The following ST13 variants were observed in gnomAD, a reference collection of about 807,000 sequenced individuals.
ST13 encodes hsc70-interacting protein.
Under a neutral mutation model 56.7 loss-of-function variants are expected in ST13, and 23 were observed. The observed-to-expected ratio is 0.41, with a 90% CI of 0.29 to 0.57. ST13 has a LOEUF of 0.57. Ranked by LOEUF, ST13 falls within the 20% of genes least tolerant of loss-of-function variation. The pLI, the probability that ST13 is intolerant of heterozygous loss-of-function variation, is 0.36. For synonymous variants in ST13, 132 were observed against 142.4 expected, an observed-to-expected ratio of 0.93 and a Z score of 0.52; for missense variants, 369 against 459.9, an observed-to-expected ratio of 0.80 and a Z score of 1.81.
chr22:40,825,563 A>G lies in ST13; in HGVS notation c.*975T>C, dbSNP rs563212117. ...TTGTGGGTATTACCCTACAATTACC[A>G]TATGTATTACATATTAAATTAAACT... On this transcript the variant is annotated 3_prime_UTR_variant, in exon 12 of 12. Transcript: ENST00000216218. The G allele has an allele frequency of 6.6e-6, 1 of 152,286 alleles. No individual in the cohort carries two copies. Among genetic ancestry groups the G allele is most frequent in the Admixed American group, 6.5e-5 (1 of 15,294 alleles). The allele number at this position is 152,286 out of a possible 1,614,324, so 9.4% of individuals were successfully genotyped here.
chr22:40,833,564 C>CA (rs138336), intron 7 of ST13, among the ~76,000 whole-genome samples: 2,264 of 115,372 alleles, frequency 0.02, 35 homozygotes, highest in Non-Finnish European at 0.027. Flanking sequence ...GACTCCATCT[C>CA]AAAAAAAAAA....
In ST13 at chr22:40,841,092, C is replaced by T. The variant is rs369526520; in HGVS notation, c.316-400G>A. Among the ~76,000 whole-genome samples the T allele has an allele frequency of 3.3e-5, 5 of 151,006 alleles. No homozygotes were observed. The East Asian group carries it at 5.9e-4, about 18-fold the overall frequency. ...CACAAACAACTATTGAGCACCTATGCTATATAGATAGACCAAACACTGTAC... is the reference window on the plus strand; with the variant it reads ...CACAAACAACTATTGAGCACCTATGTTATATAGATAGACCAAACACTGTAC... On this transcript the variant is annotated intron_variant, in intron 4 of 11. Coordinates refer to ENST00000216218, the MANE Select transcript of ST13 (RefSeq NM_003932.5).
Position 40,840,632 on chromosome 22 carries a change from T to G in ST13, c.376A>C (p.Asn126His). ...DKKVAAIEAL[N>H]DGELQKAIDL... is the part of the protein sequence containing the mutation. ...TAGCAAAAAGATTACTCACCATCAT[T>G]TAGGGCTTCAATAGCAGCCACTTTT... Residue 126 changes from asparagine to histidine, a missense_variant, in exon 5 of 12, where the codon AAT (asparagine) becomes CAT (histidine). This residue lies in a region of ST13 where 169 missense variants were observed against 175.6 expected (regional missense o/e 0.96). Coordinates refer to ENST00000216218, the MANE Select transcript of ST13 (RefSeq NM_003932.5). 1.2e-6 allele frequency: 2 copies of G among 1,609,836 alleles called. No homozygotes were observed. Among genetic ancestry groups the G allele is most frequent in the Non-Finnish European group, 1.7e-6 (2 of 1,178,982 alleles).
chr22:40,835,262 C>T, intron 7 of ST13: 1 of 202,502 alleles, frequency 4.9e-6, no homozygotes, highest in Admixed American at 5.5e-5. Flanking sequence ...AAATCCTTTC[C>T]TTATATTTGG....
intron 4 of ST13, among the ~76,000 whole-genome samples, chr22:40,841,722 T>C (rs2057805411): frequency 6.6e-6 from 1 of 151,960 alleles, no homozygotes; most frequent in South Asian, 2.1e-4. Context: ...CCCTCAAGTG[T>C]AGCTGGAACT....
At chr22:40,837,725 G>A (rs1438673720) in intron 5 of ST13, among the ~76,000 whole-genome samples, 1 of 152,034 alleles carries the variant, frequency 6.6e-6, no homozygotes, top group African/African-American at 2.4e-5. Flanking sequence ...TCAACTTCCT[G>A]GGCTCAAAGG....
intron 7 of ST13, 59 bp from the exon 8 acceptor site, chr22:40,832,730 G>A (rs947685140): frequency 2.1e-5 from 27 of 1,259,670 alleles, no homozygotes; most frequent in Non-Finnish European, 2.9e-5. Context: ...TATGTGGCAT[G>A]ATATCTTTCT....
At chr22:40,827,636 C>T (rs1460752738) in intron 10 of ST13, among the ~76,000 whole-genome samples, 1 of 151,680 alleles carries the variant, frequency 6.6e-6, no homozygotes, top group Non-Finnish European at 1.5e-5. Context: ...CACCACTATG[C>T]CTAATTTTTA....
intron 4 of ST13, among the ~76,000 whole-genome samples, 190 bp from the exon 5 acceptor site, chr22:40,840,882 C>G (rs2057801232): frequency 6.6e-6 from 1 of 152,094 alleles, no homozygotes; most frequent in Non-Finnish European, 1.5e-5. Flanking sequence ...ACCTTTTATA[C>G]TAAACAAATT....
chr22:40,839,068 G>C (rs2057790560), intron 5 of ST13, among the ~76,000 whole-genome samples: 1 of 151,944 alleles, frequency 6.6e-6, no homozygotes. Context: ...AGCAAGAGTA[G>C]AATAAAAAAC....
intron 2 of ST13, among the ~76,000 whole-genome samples, 157 bp from the exon 3 acceptor site, chr22:40,848,526 C>T (rs1321442155): frequency 6.6e-6 from 1 of 152,144 alleles, no homozygotes; most frequent in Non-Finnish European, 1.5e-5. Flanking sequence ...GTGGGTGGAT[C>T]ATTTGAGGTT....
At chr22:40,849,746 TA>T (rs35640434) in intron 2 of ST13, among the ~76,000 whole-genome samples, 3 of 151,934 alleles carry the variant, frequency 2.0e-5, no homozygotes, top group Admixed American at 1.3e-4. Flanking sequence ...ATGGTCCTTT[TA>T]AAAAAAAGGT....
intron 1 of ST13, among the ~76,000 whole-genome samples, chr22:40,853,155 AT>A (rs1207372827): frequency 6.6e-6 from 1 of 152,196 alleles, no homozygotes; most frequent in Admixed American, 6.5e-5. Context: ...CAACACATAA[AT>A]CTGAGGATTA....
intron 1 of ST13, among the ~76,000 whole-genome samples, chr22:40,856,066 T>C (rs183089961): frequency 6.6e-6 from 1 of 152,294 alleles, no homozygotes; most frequent in Non-Finnish European, 1.5e-5. Flanking sequence ...TATGTACCAA[T>C]GAGACCTGAG....
chr22:40,856,443 T>G lies in ST13; in HGVS notation c.98A>C (p.Glu33Ala). 1.2e-6 allele frequency: 2 copies of G among 1,613,242 alleles called. No homozygotes were observed. The highest frequency in any genetic ancestry group is 1.7e-6 in the Non-Finnish European group (2 of 1,179,482). Reference sequence around the variant, plus strand: ...GCCTGGGTCTCACCTCTCCACCCACTCCCTCAGGAAGCGCATTTCCTCGGT... The same window carrying G: ...GCCTGGGTCTCACCTCTCCACCCACGCCCTCAGGAAGCGCATTTCCTCGGT... ...LHTEEMRFLR[E>A]WVESMGGKVP... is the part of the protein sequence containing the mutation. Residue 33 changes from glutamate to alanine, a missense_variant, in exon 1 of 12, where the codon GAG becomes GCG. This residue lies in a region of ST13 where 169 missense variants were observed against 175.6 expected (regional missense o/e 0.96). Transcript: ENST00000216218.
At chr22:40,829,433 CTAT>C (rs1321676636) in intron 10 of ST13, among the ~76,000 whole-genome samples, 190 bp downstream of exon 10, 2 of 152,124 alleles carry the variant, frequency 1.3e-5, no homozygotes, top group African/African-American at 4.8e-5. Context: ...GAAAAATACG[CTAT>C]TTTTACACTG....
intron 10 of ST13, 31 bp from the exon 11 acceptor site, chr22:40,827,260 T>C: frequency 6.2e-7 from 1 of 1,609,706 alleles, no homozygotes; most frequent in Non-Finnish European, 8.5e-7. Context: ...ACACTAATCA[T>C]ACTCCCAAAT....
intron 9 of ST13, among the ~76,000 whole-genome samples, chr22:40,830,153 T>C (rs1285661565): frequency 6.6e-6 from 1 of 152,168 alleles, no homozygotes; most frequent in African/African-American, 2.4e-5. Context: ...TTAAAATTAT[T>C]GAGGAGATAT....
intron 5 of ST13, among the ~76,000 whole-genome samples, chr22:40,836,444 AAAAAAT>A (rs762232845): frequency 2.4e-4 from 37 of 152,326 alleles, no homozygotes; most frequent in African/African-American, 4.6e-4. Flanking sequence ...CTCCGTCTCA[AAAAAAT>A]AAAAATAAAA....
Sources: gnomAD v4.1 joint callset for allele counts (sites outside exome capture counted in the v4.1 genomes callset) on GRCh38, gnomAD v4.1.1 for gene constraint, gnomAD v4.1.1 regional missense constraint, MANE v1.5 for transcripts, NCBI Gene and HGNC (gene_info 2026-07-23, HGNC 2026-07-21) for gene names.